PCDH11X: variants seen among roughly 807,000 people sequenced by gnomAD.
PCDH11X encodes protocadherin 11 X-linked, also known as protocadherin-11 X-linked.
PCDH11X carries 18 observed loss-of-function variants against 53.3 expected under a neutral mutation model. The ratio of observed to expected loss-of-function variants is 0.34; its 90% CI spans 0.23 to 0.50. The LOEUF is 0.50. PCDH11X is among the 20% of genes least tolerant of loss of function. PCDH11X has a pLI of 0.98. For missense variants in PCDH11X, 570 were observed against 1,032.4 expected, an observed-to-expected ratio of 0.55 and a Z score of 6.14; for synonymous variants, 279 against 393.3, an observed-to-expected ratio of 0.71 and a Z score of 3.44.
intron 6 of PCDH11X, among the ~76,000 whole-genome samples, chrX:92,173,170 T>C (rs1034193812): frequency 1.8e-5 from 2 of 111,788 alleles, no homozygotes; most frequent in African/African-American, 6.5e-5. Context: ...CATTAAGCAA[T>C]ACAGAGTATG....
chrX:92,050,467 A>C (rs2063352818), intron 6 of PCDH11X, among the ~76,000 whole-genome samples: 1 of 109,773 alleles, frequency 9.1e-6, no homozygotes, highest in Non-Finnish European at 1.9e-5. Context: ...GTATATGTAC[A>C]GTACACTTTT....
chrX:92,212,531 G>T (rs1255476344), intron 7 of PCDH11X, among the ~76,000 whole-genome samples: 1 of 110,271 alleles, frequency 9.1e-6, no homozygotes, highest in East Asian at 2.9e-4. Flanking sequence ...TGTATTTTTA[G>T]TAGAGACCGG....
chrX:91,962,843 G>C (rs1247592822), intron 6 of PCDH11X, among the ~76,000 whole-genome samples: 1 of 111,389 alleles, frequency 9.0e-6, no homozygotes, highest in Non-Finnish European at 1.9e-5. Context: ...CTAACATTAT[G>C]TGTAAGCTGC....
At chrX:91,829,802 A>T (rs1369847062) in intron 4 of PCDH11X, among the ~76,000 whole-genome samples, 2 of 111,620 alleles carry the variant, frequency 1.8e-5, no homozygotes, top group Non-Finnish European at 1.9e-5. Flanking sequence ...TAGTTGTTAT[A>T]CAGATTAAAT....
intron 6 of PCDH11X, among the ~76,000 whole-genome samples, chrX:92,067,802 T>A (rs1461117664): frequency 3.6e-5 from 4 of 111,650 alleles, no homozygotes; most frequent in African/African-American, 1.3e-4. Context: ...AGGCTTTTCT[T>A]TCCTGGGAGA....
chrX:92,186,682 A>AG (rs1158168376), intron 6 of PCDH11X, among the ~76,000 whole-genome samples: 1 of 109,856 alleles, frequency 9.1e-6, no homozygotes, highest in Non-Finnish European at 1.9e-5. Flanking sequence ...GTAATATTGA[A>AG]GGGGAGTATA....
intron 4 of PCDH11X, chrX:91,834,838 A>G (rs189256028): frequency 1.4e-5 from 3 of 209,734 alleles, no homozygotes; most frequent in African/African-American, 3.2e-5. Context: ...TCCCCTTTTC[A>G]CATGATAGTT....
At chrX:92,268,893 G>A (rs1345272904) in intron 8 of PCDH11X, among the ~76,000 whole-genome samples, 1 of 112,066 alleles carries the variant, frequency 8.9e-6, no homozygotes, top group Admixed American at 9.5e-5. Flanking sequence ...ATACAAACTG[G>A]CATTCAGTGT....
intron 10 of PCDH11X, among the ~76,000 whole-genome samples, chrX:92,616,528 A>T (rs1235535117): frequency 9.0e-6 from 1 of 111,496 alleles, no homozygotes; most frequent in East Asian, 2.8e-4. Context: ...GTTGAAAATC[A>T]CTGTAGAATT....
chrX:92,574,596 G>A (rs750919697), intron 10 of PCDH11X, among the ~76,000 whole-genome samples: 13 of 111,008 alleles, frequency 1.2e-4, no homozygotes, highest in South Asian at 3.7e-4. Flanking sequence ...TAATAAACCC[G>A]TCAGTTAATT....
At chrX:92,268,746 A>C (rs769710368) in intron 8 of PCDH11X, among the ~76,000 whole-genome samples, 1 of 111,848 alleles carries the variant, frequency 8.9e-6, no homozygotes, top group South Asian at 3.7e-4. Context: ...GGCAAAAAAT[A>C]TCAGATAATG....
intron 6 of PCDH11X, among the ~76,000 whole-genome samples, chrX:91,969,605 C>T (rs1277757010): frequency 4.6e-5 from 5 of 108,918 alleles, no homozygotes; most frequent in African/African-American, 1.7e-4. Context: ...TTTAGAACAG[C>T]CTGGGCAACA....
intron 6 of PCDH11X, among the ~76,000 whole-genome samples, chrX:91,895,810 T>C: frequency 9.3e-6 from 1 of 107,331 alleles, no homozygotes. Flanking sequence ...ATTCCATATA[T>C]TTACATATTA....
chrX:91,837,973 C>A (rs1450520909), intron 5 of PCDH11X, among the ~76,000 whole-genome samples: 9 of 111,899 alleles, frequency 8.0e-5, no homozygotes, highest in Admixed American at 4.8e-4. Flanking sequence ...AAATAAAAAA[C>A]GTTTATTTGG....
chrX:92,568,847 C>T (rs781383588), intron 10 of PCDH11X, among the ~76,000 whole-genome samples: 1 of 110,778 alleles, frequency 9.0e-6, no homozygotes, highest in Non-Finnish European at 1.9e-5. Flanking sequence ...TTTAAAAATA[C>T]GCTACTGCAT....
chrX:91,823,227 C>T (rs1367660571), intron 4 of PCDH11X, among the ~76,000 whole-genome samples: 3 of 110,615 alleles, frequency 2.7e-5, no homozygotes, highest in Non-Finnish European at 5.7e-5. Context: ...CCTGGGTATC[C>T]TTGTTGACTT....
intron 10 of PCDH11X, among the ~76,000 whole-genome samples, chrX:92,551,414 TA>T (rs1377003256): frequency 9.4e-6 from 1 of 106,246 alleles, no homozygotes; most frequent in African/African-American, 3.4e-5. Context: ...CTCAGATTAT[TA>T]ATTTCCTATA....
intron 1 of PCDH11X, among the ~76,000 whole-genome samples, chrX:91,785,346 T>A (rs1025323135): frequency 2.3e-4 from 25 of 108,054 alleles, no homozygotes; most frequent in Non-Finnish European, 4.6e-4. Flanking sequence ...TGTCAACGTG[T>A]GTTCATGTCA....
chrX:92,519,868 A>G (rs1025523603), intron 10 of PCDH11X, among the ~76,000 whole-genome samples: 20 of 109,535 alleles, frequency 1.8e-4, no homozygotes, highest in African/African-American at 5.6e-4. Context: ...AAAGATAACA[A>G]TAGTATCAAT....
Sources: gnomAD v4.1 joint callset for allele counts (sites outside exome capture counted in the v4.1 genomes callset) on GRCh38, gnomAD v4.1.1 for gene constraint, MANE v1.5 for transcripts, NCBI Gene and HGNC (gene_info 2026-07-23, HGNC 2026-07-21) for gene names.